NAF1: variants seen among roughly 807,000 people sequenced by gnomAD.
NAF1 encodes H/ACA ribonucleoprotein complex non-core subunit NAF1.
Under a neutral mutation model 40.6 loss-of-function variants are expected in NAF1, and 11 were observed. That is an observed-to-expected ratio of 0.27 (90% CI 0.17 to 0.45). NAF1 has a LOEUF of 0.45. Among genes scored for constraint, NAF1 ranks in the 20% least tolerant of loss-of-function variants. The probability of loss-of-function intolerance (pLI) is 1.00; values close to 1 mark genes in which losing one functional copy is unlikely to be tolerated. For missense variants in NAF1, 607 were observed against 611.1 expected, an observed-to-expected ratio of 0.99 and a Z score of 0.07; for synonymous variants, 260 against 228.5, an observed-to-expected ratio of 1.14 and a Z score of -1.24.
chr4:163,112,971 T>C (rs1730208917), intron 2 of NAF1, among the ~76,000 whole-genome samples: 1 of 152,120 alleles, frequency 6.6e-6, no homozygotes, highest in Admixed American at 6.6e-5. Context: ...ACAGCATGAG[T>C]GTTGGGTTTT....
intron 1 of NAF1, among the ~76,000 whole-genome samples, chr4:163,165,681 A>G (rs1205525172): frequency 6.6e-6 from 1 of 152,054 alleles, no homozygotes; most frequent in Non-Finnish European, 1.5e-5. Context: ...AACACACTCA[A>G]CTATTTGTAG....
intron 2 of NAF1, among the ~76,000 whole-genome samples, chr4:163,161,919 C>CTGT (rs754013168): frequency 6.6e-6 from 1 of 152,146 alleles, no homozygotes; most frequent in Non-Finnish European, 1.5e-5. Context: ...TGTCAACTGG[C>CTGT]TGTTACGCAC....
At chr4:163,148,103 A>G (rs1731545638) in intron 3 of NAF1, among the ~76,000 whole-genome samples, 1 of 152,202 alleles carries the variant, frequency 6.6e-6, no homozygotes, top group Admixed American at 6.5e-5. Context: ...AAACCAAATC[A>G]AAGGAAATTC....
chr4:163,162,787 C>A (rs1316734035), intron 2 of NAF1, among the ~76,000 whole-genome samples: 1 of 152,134 alleles, frequency 6.6e-6, no homozygotes, highest in African/African-American at 2.4e-5. Flanking sequence ...GGCCTGAGAA[C>A]CCATTATCTA....
intron 2 of NAF1, among the ~76,000 whole-genome samples, chr4:163,115,432 G>A (rs530835277): frequency 2.0e-5 from 3 of 151,854 alleles, no homozygotes; most frequent in Admixed American, 6.5e-5. Flanking sequence ...TCCTGACCTC[G>A]TGATCCACCC....
At position 163,166,729 on chromosome 4, in the gene NAF1, G is replaced by A. The variant is rs775199093; in HGVS notation, c.-2C>T. The A allele has an allele frequency of 1.2e-6, 2 of 1,613,244 alleles. No homozygotes were observed. Among genetic ancestry groups the A allele is most frequent in the South Asian group, 2.2e-5 (2 of 91,020 alleles). On this transcript the variant is annotated 5_prime_UTR_variant, in exon 1 of 8. Transcript: ENST00000274054. Reference sequence around the variant, plus strand: ...GGCGGCGGCCTCCACTACCTCCATCGCACCGCGCCAGAAACCGGGTCGGCC... The same window carrying A: ...GGCGGCGGCCTCCACTACCTCCATCACACCGCGCCAGAAACCGGGTCGGCC...
At chr4:163,121,126 A>G (rs1366940067) in intron 2 of NAF1, among the ~76,000 whole-genome samples, 1 of 152,072 alleles carries the variant, frequency 6.6e-6, no homozygotes, top group Non-Finnish European at 1.5e-5. Flanking sequence ...CCTGACCTCA[A>G]GTGATCTGCC....
chr4:163,133,138 T>C lies in NAF1; in HGVS notation c.1033+16A>G, dbSNP rs1730932503. The C allele has an allele frequency of 6.4e-7, 1 of 1,564,108 alleles. No homozygotes were observed. Among genetic ancestry groups the C allele is most frequent in the Non-Finnish European group, 8.8e-7 (1 of 1,135,058 alleles). Reference sequence around the variant, plus strand: ...AATGAAGATAAAGAACGAGTATATATATTGTATTCACTCACCAGGCTCATT... The same window carrying C: ...AATGAAGATAAAGAACGAGTATATACATTGTATTCACTCACCAGGCTCATT... On this transcript the variant is annotated intron_variant, in intron 7 of 7. Transcript: ENST00000274054.
At chr4:163,138,719 T>C (rs747440851) in intron 5 of NAF1, among the ~76,000 whole-genome samples, 36 of 152,246 alleles carry the variant, frequency 2.4e-4, no homozygotes, top group Non-Finnish European at 1.3e-4. Flanking sequence ...TGCTTCTTAA[T>C]AGAAGAACTG....
At chr4:163,161,693 T>A (rs761044485) in intron 2 of NAF1, among the ~76,000 whole-genome samples, 1 of 152,058 alleles carries the variant, frequency 6.6e-6, no homozygotes, top group Non-Finnish European at 1.5e-5. Context: ...TAACAATGAG[T>A]CCAACATAAG....
intron 2 of NAF1, among the ~76,000 whole-genome samples, chr4:163,121,502 GAAT>G (rs973838161): frequency 4.6e-5 from 7 of 152,030 alleles, no homozygotes; most frequent in African/African-American, 1.7e-4. Flanking sequence ...GAATTCTTGT[GAAT>G]AATACTGTTC....
Position 163,164,346 on chromosome 4 carries a change from AG to A in NAF1, c.410del (p.Ser137PhefsTer62). The stretch of plus-strand genomic sequence containing the variant: ...AAGAGGAAGAAGACGACGATGAGGA[AG>A]ATGAAGAGGAAGACGATGAACTTGA... ...DSSSSSSSSS[S>X]SSSSSSSSCI... On this transcript the variant is annotated frameshift_variant, in exon 2 of 8. Coordinates refer to ENST00000274054, the MANE Select transcript of NAF1 (RefSeq NM_138386.3). LOFTEE classifies it high-confidence loss of function. The A allele has an allele frequency of 3.8e-6, 6 of 1,597,886 alleles. No homozygotes were observed. The highest frequency in any genetic ancestry group is 5.1e-6 in the Non-Finnish European group (6 of 1,172,654).
chr4:163,125,878 C>G (rs2110855033), downstream of NAF1, among the ~76,000 whole-genome samples: 1 of 152,266 alleles, frequency 6.6e-6, no homozygotes, highest in East Asian at 1.9e-4. Flanking sequence ...AGCCAATGCT[C>G]ATTTACAATT....
At chr4:163,109,550 T>G (rs796425221), downstream of NAF1, among the ~76,000 whole-genome samples, 10 of 152,288 alleles carry the variant, frequency 6.6e-5, no homozygotes, top group African/African-American at 2.4e-4. Flanking sequence ...AATCCTCTTG[T>G]GAGGTTAATA....
downstream of NAF1, among the ~76,000 whole-genome samples, chr4:163,106,927 G>A (rs917220013): frequency 6.6e-6 from 1 of 151,776 alleles, no homozygotes; most frequent in Non-Finnish European, 1.5e-5. Flanking sequence ...TTCAAAGAAT[G>A]ATACATTTCA....
chr4:163,144,425 GA>G (rs1351907270), intron 4 of NAF1, among the ~76,000 whole-genome samples: 2 of 152,166 alleles, frequency 1.3e-5, no homozygotes, highest in Non-Finnish European at 2.9e-5. Flanking sequence ...CTGAAGAAAA[GA>G]GGGAAAAGAT....
chr4:163,164,486 A>C (rs1732369707), intron 1 of NAF1, 95 bp from the exon 2 acceptor site: 1 of 877,712 alleles, frequency 1.1e-6, no homozygotes, highest in Non-Finnish European at 1.6e-6. Flanking sequence ...CTTTAATACA[A>C]GTTTACTATT....
chr4:163,108,540 T>C (rs1396527700), downstream of NAF1, among the ~76,000 whole-genome samples: 1 of 152,210 alleles, frequency 6.6e-6, no homozygotes, highest in African/African-American at 2.4e-5. Context: ...AAATAATTGC[T>C]AAGATTTACA....
chr4:163,125,934 C>T (rs1331297611), downstream of NAF1, among the ~76,000 whole-genome samples: 1 of 152,174 alleles, frequency 6.6e-6, no homozygotes, highest in Non-Finnish European at 1.5e-5. Flanking sequence ...TGTACTCTGC[C>T]TGTGCTCTAT....
Sources: allele counts gnomAD v4.1 joint callset (sites outside exome capture counted in the v4.1 genomes callset), GRCh38; gene constraint gnomAD v4.1.1; transcripts MANE v1.5; gene names NCBI Gene and HGNC (gene_info 2026-07-23, HGNC 2026-07-21).